Variants in WWC1 observed in about 807,000 individuals in gnomAD.
WWC1 encodes WW and C2 domain containing 1.
WWC1 carries 55 observed loss-of-function variants against 138.4 expected under a neutral mutation model. The ratio of observed to expected loss-of-function variants is 0.40; its 90% CI spans 0.32 to 0.50. The LOEUF is 0.50. Among genes scored for constraint, WWC1 ranks in the 20% least tolerant of loss-of-function variants. WWC1 has a pLI of 0.72. For missense variants in WWC1, 1,226 were observed against 1,420.4 expected, an observed-to-expected ratio of 0.86 and a Z score of 2.20; for synonymous variants, 524 against 564.9, an observed-to-expected ratio of 0.93 and a Z score of 1.03.
intron 1 of WWC1, among the ~76,000 whole-genome samples, chr5:168,360,965 C>T (rs950674238): frequency 4.6e-5 from 7 of 152,190 alleles, no homozygotes; most frequent in South Asian, 2.1e-4. Context: ...GAACCCAGCT[C>T]ATGAGGCTGG....
In WWC1 at chr5:168,420,725, G is replaced by A. The variant is rs1052053342; in HGVS notation, c.1185-1283G>A. On this transcript the variant is annotated intron_variant, in intron 9 of 22. Transcript: ENST00000265293. ...CACTTGGCTGCCCGTAGCAGTAACC[G>A]CACAGTCTTCCACATTTACTCCCTC... 2.0e-5 allele frequency among the ~76,000 whole-genome samples: 3 copies of A among 152,242 alleles called. No individual in the cohort carries two copies. The South Asian group carries it at 6.2e-4, about 32-fold the overall frequency.
intron 17 of WWC1, among the ~76,000 whole-genome samples, chr5:168,453,567 CAG>C (rs145894997): frequency 0.021 from 3,261 of 152,058 alleles, 136 homozygotes; most frequent in African/African-American, 0.075. Context: ...TGTTTTGAGA[CAG>C]AGTTTCACTC....
At chr5:168,341,678 C>T (rs906543587) in intron 1 of WWC1, among the ~76,000 whole-genome samples, 2 of 149,828 alleles carry the variant, frequency 1.3e-5, no homozygotes, top group Non-Finnish European at 3.0e-5. Context: ...CTCTTCAAAG[C>T]GGTGCAGGTG....
chr5:168,293,014 C>G (rs1375402882), intron 1 of WWC1, among the ~76,000 whole-genome samples: 1 of 152,166 alleles, frequency 6.6e-6, no homozygotes, highest in Non-Finnish European at 1.5e-5. Flanking sequence ...TCTCTTTCTT[C>G]CCTGATCGGG....
chr5:168,414,709 C>G, intron 9 of WWC1, 119 bp downstream of exon 9: 1 of 1,364,418 alleles, frequency 7.3e-7, no homozygotes, highest in Non-Finnish European at 9.7e-7. Flanking sequence ...TGAGCACGCT[C>G]AGTTCAGAGA....
rs1474278140 is a variant in WWC1 at position 168,292,698 on chromosome 5, A to G, written c.119+427A>G. Among the ~76,000 whole-genome samples, 1 of 151,952 alleles carries G rather than the reference A, an allele frequency of 6.6e-6. No individual in the cohort carries two copies. The highest frequency in any genetic ancestry group is 2.4e-5 in the African/African-American group (1 of 41,398). ...GGGGGTGGGCGGATGGGGATGGGGA[A>G]GTGTCCGGTTAGAGGGGGTGGTCAA... On this transcript the variant is annotated intron_variant, in intron 1 of 22. Transcript: ENST00000265293. The surrounding 1 kb of genome is among the most constrained non-coding windows in gnomAD (Gnocchi z 4.4).
intron 19 of WWC1, among the ~76,000 whole-genome samples, chr5:168,458,899 G>C (rs1440581920): frequency 6.6e-6 from 1 of 152,140 alleles, no homozygotes; most frequent in Non-Finnish European, 1.5e-5. Flanking sequence ...CAATTATCCT[G>C]ATACCCATTT....
intron 2 of WWC1, among the ~76,000 whole-genome samples, chr5:168,382,371 T>G (rs147306133): frequency 1.3e-5 from 2 of 152,182 alleles, no homozygotes. Context: ...CTCTGGGCAA[T>G]GGGATTGGAG....
At chr5:168,318,071 T>A (rs1366102184) in intron 1 of WWC1, among the ~76,000 whole-genome samples, 3 of 152,068 alleles carry the variant, frequency 2.0e-5, no homozygotes, top group Non-Finnish European at 4.4e-5. Context: ...TTTTTTTTTT[T>A]AACTTTCTGA....
chr5:168,391,644 G>A (rs1408832918), intron 3 of WWC1, among the ~76,000 whole-genome samples: 64 of 138,374 alleles, frequency 4.6e-4, no homozygotes, highest in African/African-American at 1.5e-3. Flanking sequence ...GGGCAACAGA[G>A]CAACACTCCG....
chr5:168,389,977 T>C (rs1226829749), intron 3 of WWC1, among the ~76,000 whole-genome samples: 1 of 152,220 alleles, frequency 6.6e-6, no homozygotes, highest in Non-Finnish European at 1.5e-5. Flanking sequence ...TTGGTACTGT[T>C]TCCTTAGAAC....
intron 1 of WWC1, among the ~76,000 whole-genome samples, chr5:168,343,756 A>T (rs1204426169): frequency 6.7e-6 from 1 of 149,810 alleles, no homozygotes; most frequent in Admixed American, 6.7e-5. Flanking sequence ...CAGGAGGCGG[A>T]GGTTGCAGTG....
intron 1 of WWC1, among the ~76,000 whole-genome samples, chr5:168,325,929 C>G (rs1373055138): frequency 2.0e-5 from 3 of 152,166 alleles, no homozygotes. Context: ...GGTGGTTTCA[C>G]TTAGCATTAT....
Position 168,292,892 on chromosome 5 carries a change from G to A in WWC1, c.119+621G>A, listed in dbSNP as rs1484691467. Among the ~76,000 whole-genome samples the A allele has an allele frequency of 2.6e-5, 4 of 152,176 alleles. No homozygotes were observed. The highest frequency in any genetic ancestry group is 1.3e-4 in the Admixed American group (2 of 15,286). On this transcript the variant is annotated intron_variant, in intron 1 of 22. Coordinates refer to ENST00000265293, the MANE Select transcript of WWC1 (RefSeq NM_015238.3). This position sits in a 1 kb window ranked among gnomAD's most constrained non-coding sequence, Gnocchi z 4.4. ...GGGAGGAAGTGAAGAAGCGGGGGAG[G>A]GCAGATGAGGGAGACTGGTTATCCA...
intron 1 of WWC1, among the ~76,000 whole-genome samples, chr5:168,329,435 A>G (rs1353138028): frequency 6.6e-6 from 1 of 152,168 alleles, no homozygotes; most frequent in South Asian, 2.1e-4. Flanking sequence ...TCCAGACCAC[A>G]CTTCCTTTTG....
chr5:168,434,679 A>G (rs74622595), intron 15 of WWC1, among the ~76,000 whole-genome samples: 2,901 of 152,284 alleles, frequency 0.019, 90 homozygotes, highest in African/African-American at 0.066. Flanking sequence ...GGGGGTTACT[A>G]TGAGTGTCTC....
intron 5 of WWC1, among the ~76,000 whole-genome samples, chr5:168,402,233 C>T (rs949716763): frequency 6.6e-6 from 1 of 152,202 alleles, no homozygotes; most frequent in African/African-American, 2.4e-5. Context: ...ACTCCTTAGC[C>T]GGAAGCTGGG....
Position 168,292,713 on chromosome 5 carries a change from G to A in WWC1, c.119+442G>A, listed in dbSNP as rs747031739. On this transcript the variant is annotated intron_variant, in intron 1 of 22. Transcript: ENST00000265293. This position sits in a 1 kb window ranked among gnomAD's most constrained non-coding sequence, Gnocchi z 4.4. The stretch of plus-strand genomic sequence containing the variant: ...GGGATGGGGAAGTGTCCGGTTAGAG[G>A]GGGTGGTCAAGACCCCAGGATTCCG... Among the ~76,000 whole-genome samples the A allele has an allele frequency of 1.3e-4, 20 of 152,134 alleles. No individual in the cohort carries two copies. The highest frequency in any genetic ancestry group is 2.2e-4 in the Non-Finnish European group (15 of 68,034).
chr5:168,430,235 G>T lies in WWC1; in HGVS notation c.2087+12G>T. The T allele has an allele frequency of 6.2e-7, 1 of 1,610,240 alleles. No individual in the cohort carries two copies. The highest frequency in any genetic ancestry group is 1.7e-5 in the Admixed American group (1 of 59,766). ...CAAGACCAGAAAGTGTGAGTATGTA[G>T]CTGGACAGGTGTATTTCATACCCTA... On this transcript the variant is annotated intron_variant, in intron 14 of 22. Transcript: ENST00000265293.
Sources: allele counts gnomAD v4.1 joint callset (sites outside exome capture counted in the v4.1 genomes callset), GRCh38; gene constraint gnomAD v4.1.1; non-coding constraint Gnocchi (gnomAD v3.1); transcripts MANE v1.5; gene names NCBI Gene and HGNC (gene_info 2026-07-23, HGNC 2026-07-21).